Variants in SYNDIG1 observed in about 807,000 individuals in gnomAD.
SYNDIG1 encodes synapse differentiation-inducing gene protein 1.
In SYNDIG1, 9 loss-of-function variants were observed where a neutral mutation model predicts 19.4. That is an observed-to-expected ratio of 0.46 (90% CI 0.28 to 0.81). The LOEUF (loss-of-function observed/expected upper bound fraction) is 0.81, where lower values mean the gene tolerates loss of function less well. Ranked by LOEUF, SYNDIG1 falls within the 30% of genes least tolerant of loss-of-function variation. The pLI, the probability that SYNDIG1 is intolerant of heterozygous loss-of-function variation, is 0.12. For missense variants in SYNDIG1, 311 were observed against 343.3 expected (o/e 0.91, Z 0.74); for synonymous variants, 141 against 145.9 (o/e 0.97, Z 0.24).
intron 2 of SYNDIG1, among the ~76,000 whole-genome samples, chr20:24,573,031 T>G (rs1961121191): frequency 2.0e-5 from 3 of 152,118 alleles, no homozygotes; most frequent in South Asian, 4.1e-4. Flanking sequence ...CTGACCCACA[T>G]TAGTCTGAAG....
At chr20:24,638,126 CT>C (rs1414903090) in intron 3 of SYNDIG1, among the ~76,000 whole-genome samples, 1 of 152,184 alleles carries the variant, frequency 6.6e-6, no homozygotes, top group Non-Finnish European at 1.5e-5. Flanking sequence ...CACGGCTCAC[CT>C]CTCAGTCACA....
chr20:24,628,798 C>G (rs931329098), intron 3 of SYNDIG1, among the ~76,000 whole-genome samples: 1 of 152,156 alleles, frequency 6.6e-6, no homozygotes, highest in African/African-American at 2.4e-5. Context: ...CACCATTATC[C>G]GGAGTTGCAT....
intron 1 of SYNDIG1, among the ~76,000 whole-genome samples, chr20:24,511,516 C>G (rs191879328): frequency 7.4e-4 from 113 of 152,238 alleles, no homozygotes; most frequent in African/African-American, 2.7e-3. Flanking sequence ...AGCTTCCCGT[C>G]TTTGTTTGGG....
At chr20:24,481,854 A>G (rs1786715503) in intron 1 of SYNDIG1, among the ~76,000 whole-genome samples, 2 of 152,202 alleles carry the variant, frequency 1.3e-5, no homozygotes, top group African/African-American at 4.8e-5. Context: ...TGTATATAAA[A>G]AGCATTGATA....
intron 2 of SYNDIG1, among the ~76,000 whole-genome samples, chr20:24,573,732 C>T (rs1378697785): frequency 2.6e-5 from 4 of 152,178 alleles, no homozygotes; most frequent in East Asian, 1.9e-4. Flanking sequence ...TCCTGCATGA[C>T]GTATTCGTCA....
chr20:24,647,052 T>C (rs543427159), intron 3 of SYNDIG1, among the ~76,000 whole-genome samples: 1 of 152,344 alleles, frequency 6.6e-6, no homozygotes, highest in Non-Finnish European at 1.5e-5. Flanking sequence ...CCTCACGTAG[T>C]CTTTTGAATC....
At chr20:24,627,150 G>GGAGAGGGAGAGC (rs2059160046) in intron 3 of SYNDIG1, among the ~76,000 whole-genome samples, 2 of 136,398 alleles carry the variant, frequency 1.5e-5, no homozygotes, top group Admixed American at 7.4e-5. Context: ...AGAGGGAGAG[G>GGAGAGGGAGAGC]GAGAGCGAGA....
intron 3 of SYNDIG1, among the ~76,000 whole-genome samples, chr20:24,588,211 T>A (rs778403208): frequency 1.3e-5 from 2 of 152,200 alleles, no homozygotes; most frequent in Non-Finnish European, 2.9e-5. Context: ...AGGAGGCACC[T>A]GCAGAGCAGC....
chr20:24,586,517 G>A (rs987992388), intron 3 of SYNDIG1, among the ~76,000 whole-genome samples: 1 of 152,190 alleles, frequency 6.6e-6, no homozygotes, highest in Non-Finnish European at 1.5e-5. Context: ...GCCCATGGTG[G>A]GCAGAGCCTG....
intron 3 of SYNDIG1, among the ~76,000 whole-genome samples, chr20:24,626,839 C>G (rs1289795929): frequency 1.3e-5 from 2 of 152,210 alleles, no homozygotes; most frequent in African/African-American, 4.8e-5. Context: ...CTCGGGAGGC[C>G]GAGGCTGGCG....
chr20:24,572,214 C>T (rs907766869), intron 2 of SYNDIG1, among the ~76,000 whole-genome samples: 4 of 152,220 alleles, frequency 2.6e-5, no homozygotes, highest in African/African-American at 9.7e-5. Context: ...GCAGCAGGAC[C>T]TAGACCTAAC....
intron 3 of SYNDIG1, among the ~76,000 whole-genome samples, chr20:24,603,116 G>A (rs2058703056): frequency 1.3e-5 from 2 of 152,092 alleles, no homozygotes; most frequent in Admixed American, 1.3e-4. Flanking sequence ...CACATTGTAG[G>A]TGCTCATTTA....
chr20:24,587,846 G>GT (rs953777650), intron 3 of SYNDIG1, among the ~76,000 whole-genome samples: 10 of 152,112 alleles, frequency 6.6e-5, no homozygotes, highest in African/African-American at 1.7e-4. Flanking sequence ...GTGACTTTGG[G>GT]TTTTTTTTCC....
rs546936385 is a variant in SYNDIG1, at chr20:24,664,133, C to T, written c.619-1213C>T. 4.1e-3 allele frequency among the ~76,000 whole-genome samples: 617 copies of T among 151,864 alleles called. 1 individual carries two copies. The highest frequency in any genetic ancestry group is 7.2e-3 in the Non-Finnish European group (487 of 67,930). On this transcript the variant is annotated intron_variant, in intron 3 of 3. Coordinates refer to ENST00000376862, the MANE Select transcript of SYNDIG1 (RefSeq NM_024893.3). ...TTTTAAGATCCGAAAGTTAGAGGAG[C>T]GAGAAGGAAGCCAAGCAGCGGCAGG...
intron 2 of SYNDIG1, among the ~76,000 whole-genome samples, chr20:24,552,756 G>T (rs1200661738): frequency 6.6e-6 from 1 of 152,158 alleles, no homozygotes; most frequent in Non-Finnish European, 1.5e-5. Flanking sequence ...TGTGAATAGT[G>T]CTGCAATAAA....
chr20:24,647,469 C>G (rs2059432968), intron 3 of SYNDIG1, among the ~76,000 whole-genome samples: 1 of 152,064 alleles, frequency 6.6e-6, no homozygotes, highest in South Asian at 2.1e-4. Context: ...CTCTTTGAGC[C>G]AAACACTTTC....
intron 1 of SYNDIG1, among the ~76,000 whole-genome samples, chr20:24,517,306 A>T (rs1284843378): frequency 6.7e-6 from 1 of 149,166 alleles, no homozygotes; most frequent in Non-Finnish European, 1.5e-5. Flanking sequence ...ATAATAAAAA[A>T]AAAAATAAAT....
intron 3 of SYNDIG1, among the ~76,000 whole-genome samples, chr20:24,605,827 G>A (rs1026959776): frequency 1.1e-4 from 17 of 152,178 alleles, no homozygotes; most frequent in Admixed American, 1.1e-3. Flanking sequence ...TGACGTGTGG[G>A]ACCCAGAGTT....
In SYNDIG1 at chr20:24,623,781, T is replaced by C. The variant is rs559549785; in HGVS notation, c.618+38788T>C. On this transcript the variant is annotated intron_variant, in intron 3 of 3. Transcript: ENST00000376862. ...TTAAAAAAGAAGTATAAATAATAAG[T>C]CAGTAGAGGAGATTAAATGGAATCA... Among the ~76,000 whole-genome samples, 6 of 152,156 alleles carry C rather than the reference T, an allele frequency of 3.9e-5. No homozygotes were observed. The South Asian group carries it at 1.0e-3, about 26-fold the overall frequency.
Sources: allele counts gnomAD v4.1 joint callset (sites outside exome capture counted in the v4.1 genomes callset), GRCh38; gene constraint gnomAD v4.1.1; transcripts MANE v1.5; gene names NCBI Gene and HGNC (gene_info 2026-07-23, HGNC 2026-07-21).